PKHD1: variants seen among roughly 807,000 people sequenced by gnomAD.
The protein encoded by PKHD1 is PKHD1 ciliary IPT domain containing fibrocystin/polyductin, also known as fibrocystin.
PKHD1 carries 291 observed loss-of-function variants against 412.0 expected under a neutral mutation model. That is an observed-to-expected ratio of 0.71 (90% CI 0.64 to 0.78). The LOEUF is 0.78. Among genes scored for constraint, PKHD1 ranks in the 30% least tolerant of loss-of-function variants. The probability of loss-of-function intolerance (pLI) is 0.00; values close to 1 mark genes in which losing one functional copy is unlikely to be tolerated. For missense variants in PKHD1, 4,825 were observed against 4,950.7 expected, an observed-to-expected ratio of 0.97 and a Z score of 0.76; for synonymous variants, 1,777 against 1,821.5, an observed-to-expected ratio of 0.98 and a Z score of 0.62.
At chr6:51,666,513 C>T (rs1581937296) in intron 60 of PKHD1, among the ~76,000 whole-genome samples, 1 of 152,014 alleles carries the variant, frequency 6.6e-6, no homozygotes, top group South Asian at 2.1e-4. Context: ...AGCTTCGCAA[C>T]TCATTATTGG....
intron 18 of PKHD1, 114 bp downstream of exon 18, chr6:52,056,584 A>T (rs914307618): frequency 4.7e-5 from 36 of 772,990 alleles, no homozygotes; most frequent in East Asian, 8.4e-5. Context: ...CAGGTTTCAT[A>T]TTTTTTTTTT....
chr6:51,744,497 AC>A lies in PKHD1; in HGVS notation c.10043del (p.Ser3348IlefsTer52). 1 of 1,613,242 alleles carries A rather than the reference AC, an allele frequency of 6.2e-7. No individual in the cohort carries two copies. The highest frequency in any genetic ancestry group is 8.5e-7 in the Non-Finnish European group (1 of 1,179,226). ...KVVCPELDCA[S>X]PRKYLFKDLD... ...GATCCTTGAAGAGATATTTTCTTGG[AC>A]TTGCACAGTCTAATTCAGGACAGAC... On this transcript the variant is annotated frameshift_variant, in exon 60 of 67. Coordinates refer to ENST00000371117, the MANE Select transcript of PKHD1 (RefSeq NM_138694.4). LOFTEE classifies it high-confidence loss of function.
At position 52,060,016 on chromosome 6, in the gene PKHD1, G is replaced by A. The variant is rs766048200; in HGVS notation, c.1145C>T (p.Ala382Val). 1 of 1,609,400 alleles carries A rather than the reference G, an allele frequency of 6.2e-7. No homozygotes were observed. The highest frequency in any genetic ancestry group is 8.5e-7 in the Non-Finnish European group (1 of 1,175,714). Reference protein sequence around the residue: ...FRARLSGFFVAPETNNYTFWI... With the variant: ...FRARLSGFFVVPETNNYTFWI... ...GAAAGTGTAATTATTTGTCTCTGGA[G>A]CCACAAAGAACCCACTGAGCCGTGC... Residue 382 changes from alanine to valine, a missense_variant, in exon 15 of 67, where the codon GCT becomes GTT. Ala to Val is a moderately conservative substitution (Grantham distance 64, BLOSUM62 0). Transcript: ENST00000371117.
intron 60 of PKHD1, among the ~76,000 whole-genome samples, chr6:51,701,545 A>G (rs1779402470): frequency 6.6e-6 from 1 of 152,112 alleles, no homozygotes; most frequent in African/African-American, 2.4e-5. Context: ...CCAGTATGAT[A>G]AAGCAAAATA....
At chr6:51,644,483 GCTTAGACT>G (rs1192630483) in intron 63 of PKHD1, among the ~76,000 whole-genome samples, 1 of 152,160 alleles carries the variant, frequency 6.6e-6, no homozygotes. Context: ...ATCTGAATGA[GCTTAGACT>G]CATAGCCAGA....
intron 45 of PKHD1, among the ~76,000 whole-genome samples, chr6:51,884,553 C>G (rs1777899239): frequency 6.6e-6 from 1 of 152,078 alleles, no homozygotes; most frequent in Non-Finnish European, 1.5e-5. Context: ...TCCCCTTATT[C>G]TTCACTATAA....
At chr6:52,037,009 G>C (rs1273027317) in intron 27 of PKHD1, among the ~76,000 whole-genome samples, 1 of 152,064 alleles carries the variant, frequency 6.6e-6, no homozygotes, top group African/African-American at 2.4e-5. Flanking sequence ...GTGTAAAGAG[G>C]TCTTCTGCCA....
chr6:52,035,397 T>G (rs1390065777), intron 28 of PKHD1, among the ~76,000 whole-genome samples, 194 bp downstream of exon 28: 1 of 152,196 alleles, frequency 6.6e-6, no homozygotes, highest in Non-Finnish European at 1.5e-5. Flanking sequence ...TTAATTGATG[T>G]TAATTACAAG....
At chr6:52,038,506 A>T (rs1407985280) in intron 27 of PKHD1, among the ~76,000 whole-genome samples, 1 of 152,134 alleles carries the variant, frequency 6.6e-6, no homozygotes, top group Admixed American at 6.5e-5. Flanking sequence ...AACACCAAAG[A>T]TTGCCTATAA....
intron 52 of PKHD1, among the ~76,000 whole-genome samples, chr6:51,805,868 T>G (rs1453020678): frequency 6.6e-6 from 1 of 152,146 alleles, no homozygotes; most frequent in East Asian, 1.9e-4. Context: ...TGTGCCACAT[T>G]TTCTTAATCC....
rs776649844 is a variant in PKHD1 at position 52,084,969 on chromosome 6, A to G, written c.-36T>C. The G allele has an allele frequency of 7.2e-6, 10 of 1,396,948 alleles. No homozygotes were observed. In the South Asian group the frequency reaches 9.2e-5, roughly 13 times the overall value. 86.5% of individuals were successfully genotyped at this position (1,396,948 alleles called of 1,614,324 possible). ...TAAATCAATACTCTTAAGATTGCTC[A>G]GACATTAAAAGCATTTTCAGTTTTG... On this transcript the variant is annotated 5_prime_UTR_variant, in exon 2 of 67. Transcript: ENST00000371117.
At chr6:52,038,054 A>T (rs1804217873) in intron 27 of PKHD1, among the ~76,000 whole-genome samples, 1 of 152,154 alleles carries the variant, frequency 6.6e-6, no homozygotes, top group Non-Finnish European at 1.5e-5. Context: ...AAAAAAGATA[A>T]GCCCTAATCC....
intron 52 of PKHD1, among the ~76,000 whole-genome samples, chr6:51,794,141 A>T (rs1419098609): frequency 6.7e-6 from 1 of 148,326 alleles, no homozygotes; most frequent in Non-Finnish European, 1.5e-5. Flanking sequence ...GGTTCACACC[A>T]TTCTTCTGCC....
chr6:52,028,892 G>A (rs1802624978), intron 29 of PKHD1, among the ~76,000 whole-genome samples: 1 of 152,190 alleles, frequency 6.6e-6, no homozygotes, highest in African/African-American at 2.4e-5. Context: ...GTATTCAAGA[G>A]ACACTAACTT....
chr6:52,054,270 G>A, intron 19 of PKHD1, 105 bp from the exon 20 acceptor site: 5 of 1,066,506 alleles, frequency 4.7e-6, no homozygotes, highest in Non-Finnish European at 5.7e-6. Flanking sequence ...CATAGGCTCT[G>A]AGAGAGTCAG....
intron 37 of PKHD1, among the ~76,000 whole-genome samples, chr6:51,915,121 G>A (rs891757815): frequency 6.6e-6 from 1 of 151,982 alleles, no homozygotes; most frequent in African/African-American, 2.4e-5. Context: ...AGAAGATATG[G>A]GGTCAATCTC....
At chr6:51,645,679 C>T (rs990067569) in intron 63 of PKHD1, among the ~76,000 whole-genome samples, 21 of 152,326 alleles carry the variant, frequency 1.4e-4, no homozygotes, top group East Asian at 9.6e-4. Flanking sequence ...AGGCACGAAC[C>T]GCCGTTCCCA....
chr6:51,928,277 G>A (rs1022040559), intron 37 of PKHD1, among the ~76,000 whole-genome samples: 2 of 152,092 alleles, frequency 1.3e-5, no homozygotes, highest in African/African-American at 4.8e-5. Flanking sequence ...GAAATCAACT[G>A]GAAAGCTATT....
chr6:52,017,663 C>T, intron 33 of PKHD1, 34 bp from the exon 34 acceptor site: 1 of 1,527,928 alleles, frequency 6.5e-7, no homozygotes, highest in Non-Finnish European at 9.1e-7. Context: ...GAAAGAACCA[C>T]AGAGAGAACC....
Sources: gnomAD v4.1 joint callset for allele counts (sites outside exome capture counted in the v4.1 genomes callset) on GRCh38, gnomAD v4.1.1 for gene constraint, MANE v1.5 for transcripts, NCBI Gene and HGNC (gene_info 2026-07-23, HGNC 2026-07-21) for gene names.